Variants in CSMD2 observed in about 807,000 individuals in gnomAD.
The protein encoded by CSMD2 is CUB and Sushi multiple domains 2, also known as CUB and sushi domain-containing protein 2.
CSMD2 carries 130 observed loss-of-function variants against 398.5 expected under a neutral mutation model. The ratio of observed to expected loss-of-function variants is 0.33; its 90% CI spans 0.28 to 0.38. CSMD2 has a LOEUF of 0.38. Among genes scored for constraint, CSMD2 ranks in the 10% least tolerant of loss-of-function variants. The probability of loss-of-function intolerance (pLI) is 1.00; values close to 1 mark genes in which losing one functional copy is unlikely to be tolerated. For synonymous variants in CSMD2, 1,828 were observed against 1,908.5 expected (o/e 0.96, Z 1.10); for missense variants, 3,829 against 4,764.9 (o/e 0.80, Z 5.78).
intron 2 of CSMD2, among the ~76,000 whole-genome samples, chr1:34,086,296 C>G (rs1001489491): frequency 6.6e-6 from 1 of 152,192 alleles, no homozygotes; most frequent in Non-Finnish European, 1.5e-5. Context: ...AGAAGACTGG[C>G]TCCCTTGTGA....
intron 2 of CSMD2, among the ~76,000 whole-genome samples, chr1:34,076,811 C>T (rs186408819): frequency 6.8e-6 from 1 of 147,766 alleles, no homozygotes; most frequent in African/African-American, 2.5e-5. Context: ...AAGTGACTTG[C>T]CAATGCTATG....
At chr1:33,539,951 G>A (rs773674206) in intron 60 of CSMD2, among the ~76,000 whole-genome samples, 7 of 152,070 alleles carry the variant, frequency 4.6e-5, no homozygotes, top group Non-Finnish European at 8.8e-5. Context: ...AGAAAAATAC[G>A]TCCTACTGTT....
At chr1:34,154,179 TACA>T (rs1310538777) in intron 1 of CSMD2, among the ~76,000 whole-genome samples, 4 of 152,174 alleles carry the variant, frequency 2.6e-5, no homozygotes, top group East Asian at 3.9e-4. Context: ...TGTAAATTAA[TACA>T]ACGAGATGGC....
At chr1:33,705,325 GT>G (rs74942398) in intron 22 of CSMD2, among the ~76,000 whole-genome samples, 49,851 of 151,794 alleles carry the variant, frequency 0.33, 8,598 homozygotes, top group East Asian at 0.41. Context: ...TCACTGTAAC[GT>G]GCAATACATC....
intron 1 of CSMD2, 33 bp from the exon 2 acceptor site, chr1:34,089,226 C>A (rs1658269692): frequency 7.0e-6 from 11 of 1,580,314 alleles, no homozygotes; most frequent in Non-Finnish European, 9.6e-6. Context: ...TTCAGAATAG[C>A]CAGAATAACT....
intron 6 of CSMD2, among the ~76,000 whole-genome samples, chr1:33,846,660 G>A (rs567838238): frequency 5.9e-5 from 9 of 152,290 alleles, no homozygotes; most frequent in African/African-American, 2.2e-4. Context: ...GCATGTGAGG[G>A]GCAGCTCCAG....
chr1:33,682,486 A>G (rs1240054936), intron 25 of CSMD2, among the ~76,000 whole-genome samples: 1 of 152,192 alleles, frequency 6.6e-6, no homozygotes, highest in Non-Finnish European at 1.5e-5. Context: ...TCTGAGGATA[A>G]TATGTTACCT....
intron 3 of CSMD2, among the ~76,000 whole-genome samples, chr1:34,029,072 G>A (rs1650077448): frequency 6.6e-6 from 1 of 152,202 alleles, no homozygotes. Flanking sequence ...GAGCTACCAA[G>A]AGCAGGGCCC....
chr1:33,818,940 T>A (rs1416427804), intron 9 of CSMD2, among the ~76,000 whole-genome samples: 1 of 152,236 alleles, frequency 6.6e-6, no homozygotes, highest in East Asian at 1.9e-4. Context: ...AGCATGTAAC[T>A]TTGCAGTGGG....
intron 28 of CSMD2, among the ~76,000 whole-genome samples, chr1:33,651,515 G>C (rs577899402): frequency 6.6e-6 from 1 of 152,336 alleles, no homozygotes; most frequent in African/African-American, 2.4e-5. Context: ...GGAGAGTGGA[G>C]ACAGGAATGA....
chr1:34,102,616 A>G (rs199693836), intron 1 of CSMD2, among the ~76,000 whole-genome samples: 2,930 of 71,004 alleles, frequency 0.041, 237 homozygotes, highest in African/African-American at 0.14. Flanking sequence ...CCTGTGATCC[A>G]ACCATATCCC....
At chr1:34,006,969 C>G (rs904038257) in intron 3 of CSMD2, among the ~76,000 whole-genome samples, 6 of 152,166 alleles carry the variant, frequency 3.9e-5, no homozygotes, top group East Asian at 3.9e-4. Context: ...AAAATGTTCT[C>G]TCCCGGGGCA....
chr1:34,161,610 T>A (rs1040148330), intron 1 of CSMD2, among the ~76,000 whole-genome samples: 1 of 151,584 alleles, frequency 6.6e-6, no homozygotes, highest in African/African-American at 2.4e-5. Flanking sequence ...TAAAAGAAAA[T>A]AAAGATAAAG....
chr1:33,851,242 T>C (rs188509170), intron 5 of CSMD2, among the ~76,000 whole-genome samples: 330 of 152,320 alleles, frequency 2.2e-3, no homozygotes, highest in African/African-American at 7.6e-3. Flanking sequence ...AAGCCTGTAA[T>C]GTACACGATT....
intron 41 of CSMD2, chr1:33,605,836 C>T (rs772831511): frequency 3.8e-6 from 6 of 1,593,188 alleles, no homozygotes; most frequent in Non-Finnish European, 3.4e-6. Flanking sequence ...CAGCCTAACT[C>T]CTTTCATGTT....
intron 1 of CSMD2, among the ~76,000 whole-genome samples, chr1:34,135,211 C>G (rs192522507): frequency 6.7e-6 from 1 of 148,876 alleles, no homozygotes; most frequent in African/African-American, 2.5e-5. Flanking sequence ...GCAACAAATC[C>G]ATTCTATAGA....
chr1:33,661,631 G>C (rs75461543), intron 26 of CSMD2, among the ~76,000 whole-genome samples: 1 of 152,304 alleles, frequency 6.6e-6, no homozygotes, highest in East Asian at 1.9e-4. Flanking sequence ...GGAATAGATG[G>C]AAAATGCTAG....
rs753917821 is a variant in CSMD2 at position 34,089,170 on chromosome 1, G to C, written c.211C>G (p.His71Asp). 8.1e-6 allele frequency: 13 copies of C among 1,614,166 alleles called. No homozygotes were observed. The highest frequency in any genetic ancestry group is 1.1e-5 in the Non-Finnish European group (13 of 1,180,016). ...CTCTCAACTGTCCCATTGGGACCGT[G>C]CAGTTGGAACGTGCAGTTCTGGCCT... is the stretch of plus-strand genomic sequence containing the variant. Reference protein sequence around the residue: ...AAGQNCTFQLHGPNGTVESPG... With the variant: ...AAGQNCTFQLDGPNGTVESPG... Residue 71 changes from histidine to aspartate, a missense_variant, in exon 2 of 71, where the codon CAC becomes GAC. Around this residue, in one of 5 missense-constraint regions of CSMD2, gnomAD observed 184 missense variants for 217.7 expected, o/e 0.85. Transcript: ENST00000373381.
At chr1:33,535,811 AC>A (rs1404841296) in intron 62 of CSMD2, among the ~76,000 whole-genome samples, 2 of 151,962 alleles carry the variant, frequency 1.3e-5, no homozygotes, top group Non-Finnish European at 2.9e-5. Flanking sequence ...CAGGAATGTC[AC>A]CCTGCTCTGC....
Sources: allele counts gnomAD v4.1 joint callset (sites outside exome capture counted in the v4.1 genomes callset), GRCh38; gene constraint gnomAD v4.1.1; regional missense constraint gnomAD v4.1.1; transcripts MANE v1.5; gene names NCBI Gene and HGNC (gene_info 2026-07-23, HGNC 2026-07-21).